The following ADGRL2 variants were observed in gnomAD, a reference collection of about 807,000 sequenced individuals.
The protein encoded by ADGRL2 is adhesion G protein-coupled receptor L2.
Under a neutral mutation model 157.4 loss-of-function variants are expected in ADGRL2, and 44 were observed. That is an observed-to-expected ratio of 0.28 (90% confidence interval 0.22 to 0.36). The LOEUF (loss-of-function observed/expected upper bound fraction) is 0.36, where lower values mean the gene tolerates loss of function less well. Among genes scored for constraint, ADGRL2 ranks in the 10% least tolerant of loss-of-function variants. The pLI is 1.00. For synonymous variants in ADGRL2, 585 were observed against 624.7 expected (o/e 0.94, Z 0.95); for missense variants, 1,510 against 1,768.9 (o/e 0.85, Z 2.63).
intron 2 of ADGRL2, among the ~76,000 whole-genome samples, chr1:81,468,316 A>G (rs2078102264): frequency 6.6e-6 from 1 of 152,174 alleles, no homozygotes; most frequent in Admixed American, 6.6e-5. Context: ...CTGGTTTCTT[A>G]TAAGTAATTT....
chr1:81,559,860 A>C (rs2080401119), intron 2 of ADGRL2, among the ~76,000 whole-genome samples: 1 of 152,198 alleles, frequency 6.6e-6, no homozygotes, highest in Non-Finnish European at 1.5e-5. Flanking sequence ...GTACATCATA[A>C]ACATCTTTAA....
intron 3 of ADGRL2, among the ~76,000 whole-genome samples, chr1:81,923,799 A>G (rs1049866294): frequency 2.6e-5 from 4 of 152,152 alleles, no homozygotes; most frequent in Admixed American, 6.6e-5. Context: ...TACAACAGAA[A>G]GGTGAAACTA....
chr1:81,625,647 T>C (rs1378709897), intron 3 of ADGRL2: 2 of 152,196 alleles, frequency 1.3e-5, no homozygotes. Flanking sequence ...ATTCTTAAGC[T>C]GTCTTACCCC....
intron 2 of ADGRL2, among the ~76,000 whole-genome samples, chr1:81,471,997 A>G (rs1232715927): frequency 6.6e-6 from 1 of 152,168 alleles, no homozygotes; most frequent in African/African-American, 2.4e-5. Flanking sequence ...TAACCCTCAA[A>G]TTACAGTAAA....
intron 14 of ADGRL2, among the ~76,000 whole-genome samples, chr1:81,968,757 T>C (rs549074595): frequency 6.6e-6 from 1 of 152,322 alleles, no homozygotes; most frequent in South Asian, 2.1e-4. Flanking sequence ...TATGTAAGCA[T>C]ACAAAACCCC....
rs1224344926 is a variant in ADGRL2, at chr1:81,907,171, A to G, written c.228A>G (p.Pro76=). 2 of 1,614,128 alleles carry G rather than the reference A, an allele frequency of 1.2e-6. No individual in the cohort carries two copies. Among genetic ancestry groups the G allele is most frequent in the East Asian group, 4.5e-5 (2 of 44,868 alleles). The change falls in exon 3 of 24, where the codon CCA becomes CCG. Residue 76 remains proline, a synonymous_variant. Transcript: ENST00000686636. ...ATGACAAGATTTGTGATGCTGACCCATTTCAGATGGAGAATACAGACTGCT... is the reference window on the plus strand; with the variant it reads ...ATGACAAGATTTGTGATGCTGACCCGTTTCAGATGGAGAATACAGACTGCT... The part of the protein sequence containing the change: ...RTDDKICDAD[P]FQMENTDCYL...
intron 1 of ADGRL2, among the ~76,000 whole-genome samples, chr1:81,441,911 C>T (rs1261118986): frequency 6.6e-6 from 1 of 152,148 alleles, no homozygotes; most frequent in African/African-American, 2.4e-5. Context: ...GCGATCATAG[C>T]TCACTGCAGG....
chr1:81,845,088 T>C (rs1396008040), intron 2 of ADGRL2, among the ~76,000 whole-genome samples: 1 of 152,098 alleles, frequency 6.6e-6, no homozygotes, highest in African/African-American at 2.4e-5. Flanking sequence ...TATGTATAAA[T>C]ACAAAATTAG....
intron 1 of ADGRL2, among the ~76,000 whole-genome samples, chr1:81,321,791 A>G (rs1254694132): frequency 5.9e-5 from 9 of 151,722 alleles, no homozygotes; most frequent in Admixed American, 3.3e-4. Context: ...TGTGAGAATT[A>G]CCAAAATGTG....
chr1:81,717,154 A>G (rs1245442497), intron 1 of ADGRL2, among the ~76,000 whole-genome samples: 1 of 152,158 alleles, frequency 6.6e-6, no homozygotes, highest in East Asian at 1.9e-4. Context: ...GGACTTCCCA[A>G]AGCAAAGGCT....
At position 81,380,233 on chromosome 1, in the gene ADGRL2, T is replaced by C. The variant is rs139009633; in HGVS notation, c.-301-64803T>C. Among the ~76,000 whole-genome samples, 444 of 152,358 alleles carry C rather than the reference T, an allele frequency of 2.9e-3. 6 individuals are homozygous for C. The highest frequency in any genetic ancestry group is 0.01 in the African/African-American group (428 of 41,588). On this transcript the variant is annotated intron_variant, in intron 1 of 24. Coordinates refer to the ADGRL2 transcript ENST00000370721. ...CCCATATGTTTGTTTACTAGTTGTA[T>C]TTCCTCTTTTGTGAATTTTCAGTTC...
chr1:81,532,764 T>TA (rs1476323025), intron 2 of ADGRL2, among the ~76,000 whole-genome samples: 2 of 151,086 alleles, frequency 1.3e-5, no homozygotes, highest in Non-Finnish European at 3.0e-5. Flanking sequence ...AAAATAAATG[T>TA]AAAAAATTAG....
upstream of ADGRL2, among the ~76,000 whole-genome samples, chr1:81,800,666 C>G (rs2087905360): frequency 6.6e-6 from 1 of 152,056 alleles, no homozygotes; most frequent in Admixed American, 6.5e-5. Flanking sequence ...ATACTCTTCA[C>G]CCACTCCAGA....
intron 1 of ADGRL2, among the ~76,000 whole-genome samples, chr1:81,379,610 T>C (rs1263020040): frequency 1.3e-5 from 2 of 152,122 alleles, no homozygotes; most frequent in Non-Finnish European, 2.9e-5. Flanking sequence ...AGGGCTCTCC[T>C]CCAACTGCCC....
intron 1 of ADGRL2, among the ~76,000 whole-genome samples, chr1:81,328,401 A>G (rs1661043125): frequency 6.6e-6 from 1 of 152,136 alleles, no homozygotes; most frequent in South Asian, 2.1e-4. Context: ...CACTAAAAAT[A>G]AAACCTGTTT....
At chr1:81,462,884 G>A (rs1413290654) in intron 2 of ADGRL2, among the ~76,000 whole-genome samples, 1 of 152,048 alleles carries the variant, frequency 6.6e-6, no homozygotes, top group Non-Finnish European at 1.5e-5. Context: ...GGAGGCCGAG[G>A]CGGGTGGATT....
chr1:81,672,105 A>G (rs983714997), intron 3 of ADGRL2, among the ~76,000 whole-genome samples: 1 of 152,204 alleles, frequency 6.6e-6, no homozygotes, highest in Admixed American at 6.5e-5. Context: ...ATATTAATCC[A>G]TTATCAGTGG....
chr1:81,611,702 CCA>C lies in ADGRL2; in HGVS notation c.-143+30724_-143+30725del, dbSNP rs200933761. Among the ~76,000 whole-genome samples the C allele has an allele frequency of 1.2e-3, 176 of 152,292 alleles. 7 individuals are homozygous for C. In the East Asian group the frequency reaches 0.031, roughly 27 times the overall value. Reference sequence around the variant, plus strand: ...TTTACAAAAATTCACTGCACCAAAACCACCTGGGGGGCTTTAATAAAACACTG... The same window carrying C: ...TTTACAAAAATTCACTGCACCAAAACCCTGGGGGGCTTTAATAAAACACTG... On this transcript the variant is annotated intron_variant, in intron 3 of 24. Transcript: ENST00000370721.
intron 1 of ADGRL2, among the ~76,000 whole-genome samples, chr1:81,346,861 C>G (rs1385496189): frequency 6.6e-6 from 1 of 152,148 alleles, no homozygotes; most frequent in Non-Finnish European, 1.5e-5. Context: ...AAGTGGGGTG[C>G]TGTTGTAACA....
Sources: gnomAD v4.1 joint callset for allele counts (sites outside exome capture counted in the v4.1 genomes callset) on GRCh38, gnomAD v4.1.1 for gene constraint, MANE v1.5 for transcripts, NCBI Gene and HGNC (gene_info 2026-07-23, HGNC 2026-07-21) for gene names.